The following TEX26 variants were observed in gnomAD, a reference collection of about 807,000 sequenced individuals.
TEX26 encodes the protein testis expressed 26.
In TEX26, 34 loss-of-function variants were observed where a neutral mutation model predicts 35.3. The observed-to-expected ratio is 0.96, with a 90% CI of 0.73 to 1.28. TEX26 has a LOEUF of 1.28. Among genes scored for constraint, TEX26 ranks in the 50% most tolerant of loss-of-function variants. The pLI, the probability that TEX26 is intolerant of heterozygous loss-of-function variation, is 0.00. For synonymous variants in TEX26, 136 were observed against 111.8 expected, an observed-to-expected ratio of 1.22 and a Z score of -1.36; for missense variants, 371 against 330.1, an observed-to-expected ratio of 1.12 and a Z score of -0.96.
At chr13:30,946,846 C>T (rs1462543718) in intron 2 of TEX26, among the ~76,000 whole-genome samples, 3 of 152,018 alleles carry the variant, frequency 2.0e-5, no homozygotes, top group African/African-American at 4.8e-5. Flanking sequence ...TCAATAAAAC[C>T]AATGAATACT....
chr13:30,938,406 A>G (rs1041500352), intron 1 of TEX26, among the ~76,000 whole-genome samples: 3 of 152,178 alleles, frequency 2.0e-5, no homozygotes, highest in South Asian at 2.1e-4. Flanking sequence ...TAGAGGATGG[A>G]AAGTCCAAGA....
At chr13:30,963,770 T>G (rs1954432983) in intron 4 of TEX26, among the ~76,000 whole-genome samples, 1 of 152,158 alleles carries the variant, frequency 6.6e-6, no homozygotes, top group Non-Finnish European at 1.5e-5. Flanking sequence ...TATTTCCATG[T>G]GAGATCTACA....
chr13:30,973,838 T>G (rs1451065364), intron 6 of TEX26, among the ~76,000 whole-genome samples: 28 of 152,102 alleles, frequency 1.8e-4, no homozygotes, highest in Non-Finnish European at 2.9e-5. Context: ...ACAGCTCCAC[T>G]CTGTACTATT....
intron 2 of TEX26, among the ~76,000 whole-genome samples, chr13:30,947,666 C>T (rs1442020998): frequency 6.6e-6 from 1 of 152,110 alleles, no homozygotes; most frequent in Non-Finnish European, 1.5e-5. Flanking sequence ...TTGGAAGCAA[C>T]TTGTTTAATT....
intron 2 of TEX26, among the ~76,000 whole-genome samples, chr13:30,949,074 G>A (rs972369652): frequency 5.9e-5 from 9 of 152,014 alleles, no homozygotes; most frequent in Non-Finnish European, 1.0e-4. Flanking sequence ...TATTTCTGAC[G>A]GCTCTGTTCT....
intron 3 of TEX26, among the ~76,000 whole-genome samples, chr13:30,955,803 G>A (rs1954106138): frequency 6.6e-6 from 1 of 152,170 alleles, no homozygotes; most frequent in African/African-American, 2.4e-5. Context: ...GGCGGGGCTG[G>A]GCCTTGCTGA....
At chr13:30,971,529 C>A (rs188652612) in intron 6 of TEX26, among the ~76,000 whole-genome samples, 1 of 152,018 alleles carries the variant, frequency 6.6e-6, no homozygotes, top group South Asian at 2.1e-4. Flanking sequence ...AGAGACGGTG[C>A]GTGTTGGAGG....
chr13:30,938,390 T>C (rs1566139041), intron 1 of TEX26, among the ~76,000 whole-genome samples: 1 of 152,262 alleles, frequency 6.6e-6, no homozygotes, highest in East Asian at 1.9e-4. Flanking sequence ...CTTTAGCTGA[T>C]GGTTCTAGAG....
chr13:30,974,129 A>ATATATATATAT (rs1555271800), intron 6 of TEX26, among the ~76,000 whole-genome samples: 1 of 79,008 alleles, frequency 1.3e-5, no homozygotes, highest in African/African-American at 4.5e-5. Flanking sequence ...TAAAAAAAAA[A>ATATATATATAT]AAATATATAT....
intron 3 of TEX26, among the ~76,000 whole-genome samples, chr13:30,955,565 T>G (rs1423855524): frequency 6.6e-6 from 1 of 152,218 alleles, no homozygotes; most frequent in Non-Finnish European, 1.5e-5. Context: ...TACCTAACTA[T>G]TTTGAAGAAT....
rs1315042753 is a variant in TEX26, at chr13:30,953,808, G to A, written c.312+983G>A. On this transcript the variant is annotated intron_variant, in intron 3 of 6. Coordinates refer to ENST00000380473, the MANE Select transcript of TEX26 (RefSeq NM_152325.3). The stretch of plus-strand genomic sequence containing the variant: ...CTCCCATCACAAAAGGTAATGCTTT[G>A]TTGTAGTAAAGGGTTTCATTTGCTT... Among the ~76,000 whole-genome samples the A allele has an allele frequency of 1.3e-5, 2 of 152,174 alleles. 1 individual carries two copies. Among genetic ancestry groups the A allele is most frequent in the Non-Finnish European group, 2.9e-5 (2 of 68,036 alleles).
chr13:30,972,345 C>T (rs981859507), intron 6 of TEX26, among the ~76,000 whole-genome samples: 1 of 151,838 alleles, frequency 6.6e-6, no homozygotes, highest in Non-Finnish European at 1.5e-5. Flanking sequence ...CCTTTTTGAA[C>T]ACTCAAATTG....
chr13:30,944,769 A>G (rs1854951), intron 2 of TEX26, among the ~76,000 whole-genome samples: 147,038 of 152,076 alleles, frequency 0.97, 71,305 homozygotes, highest in East Asian at 1. Flanking sequence ...TCCTTTTGGA[A>G]TTGATTTTTA....
chr13:30,965,157 T>A (rs1954481876), intron 4 of TEX26, among the ~76,000 whole-genome samples: 2 of 152,168 alleles, frequency 1.3e-5, no homozygotes, highest in Non-Finnish European at 2.9e-5. Context: ...CCATGCCCTC[T>A]CCTCCTGAGT....
chr13:30,965,182 G>A (rs1416542843), intron 4 of TEX26, among the ~76,000 whole-genome samples: 2 of 152,038 alleles, frequency 1.3e-5, no homozygotes, highest in African/African-American at 4.8e-5. Flanking sequence ...TAAAGTAAGA[G>A]GCAACATGTA....
intron 2 of TEX26, among the ~76,000 whole-genome samples, chr13:30,940,994 G>A (rs9548942): frequency 0.21 from 32,406 of 152,126 alleles, 3,734 homozygotes; most frequent in East Asian, 0.38. Flanking sequence ...ATTGAAAAGT[G>A]GAGTATTGGT....
chr13:30,964,341 T>G (rs28578281), intron 4 of TEX26, among the ~76,000 whole-genome samples: 2 of 152,176 alleles, frequency 1.3e-5, no homozygotes, highest in African/African-American at 4.8e-5. Context: ...CCACGTGAGA[T>G]CCACAGTTCC....
At chr13:30,938,783 G>C (rs1204895504) in intron 1 of TEX26, among the ~76,000 whole-genome samples, 1 of 152,130 alleles carries the variant, frequency 6.6e-6, no homozygotes, top group Non-Finnish European at 1.5e-5. Context: ...GGATGCCACT[G>C]GCTCCTGGTT....
rs142625782 is a variant in TEX26, at chr13:30,956,120, T to C, written c.313-753T>C. On this transcript the variant is annotated intron_variant, in intron 3 of 6. Transcript: ENST00000380473. ...ATGTTGGTGTGCTGCACCCATTAAC[T>C]AGTCATTTAGCATTAGGTATATATC... Among the ~76,000 whole-genome samples the C allele has an allele frequency of 7.3e-3, 1,105 of 151,780 alleles. 19 individuals carry two copies. Among genetic ancestry groups the C allele is most frequent in the African/African-American group, 0.026 (1,057 of 41,362 alleles).
Sources: allele counts gnomAD v4.1 joint callset (sites outside exome capture counted in the v4.1 genomes callset), GRCh38; gene constraint gnomAD v4.1.1; transcripts MANE v1.5; gene names NCBI Gene and HGNC (gene_info 2026-07-23, HGNC 2026-07-21).